Variants in SEMA6D observed in about 807,000 individuals in gnomAD.
SEMA6D encodes the protein semaphorin-6D.
A neutral mutation model predicts 106.6 loss-of-function variants in SEMA6D; 35 were observed. The ratio of observed to expected loss-of-function variants is 0.33; its 90% CI spans 0.25 to 0.44. SEMA6D has a LOEUF of 0.44. SEMA6D is among the 20% of genes least tolerant of loss of function. SEMA6D has a pLI of 1.00. For missense variants in SEMA6D, 1,185 were observed against 1,345.9 expected (o/e 0.88, Z 1.87); for synonymous variants, 499 against 487.7 (o/e 1.02, Z -0.31).
chr15:47,466,396 G>A (rs2042661132), intron 2 of SEMA6D, among the ~76,000 whole-genome samples: 1 of 152,090 alleles, frequency 6.6e-6, no homozygotes, highest in Non-Finnish European at 1.5e-5. Flanking sequence ...CTATAGGTGA[G>A]ATCATGCAGT....
At chr15:47,510,245 A>C in intron 3 of SEMA6D, among the ~76,000 whole-genome samples, 1 of 152,002 alleles carries the variant, frequency 6.6e-6, no homozygotes, top group East Asian at 1.9e-4. Context: ...CCTATTGTGA[A>C]CTCTGCATGC....
chr15:47,267,771 T>G (rs1214355855), intron 1 of SEMA6D, among the ~76,000 whole-genome samples: 1 of 152,200 alleles, frequency 6.6e-6, no homozygotes, highest in African/African-American at 2.4e-5. Context: ...ATTCAAATTC[T>G]TATTAAGTTC....
At chr15:47,579,268 A>G (rs568280658) in intron 3 of SEMA6D, among the ~76,000 whole-genome samples, 11 of 152,000 alleles carry the variant, frequency 7.2e-5, no homozygotes, top group Middle Eastern at 3.4e-3. Flanking sequence ...CAGCCTCCCA[A>G]GGAGCTGGGA....
At chr15:47,437,912 C>T (rs577796321) in intron 2 of SEMA6D, among the ~76,000 whole-genome samples, 7 of 152,128 alleles carry the variant, frequency 4.6e-5, no homozygotes, top group South Asian at 4.2e-4. Flanking sequence ...TACCTTGCTG[C>T]GACTTAAGTT....
chr15:47,547,566 G>C (rs1475850261), intron 3 of SEMA6D, among the ~76,000 whole-genome samples: 1 of 151,838 alleles, frequency 6.6e-6, no homozygotes, highest in Non-Finnish European at 1.5e-5. Context: ...TTCAGCATTT[G>C]GTAAGTCCCA....
intron 3 of SEMA6D, among the ~76,000 whole-genome samples, chr15:47,565,306 C>T (rs918604330): frequency 6.6e-6 from 1 of 152,192 alleles, no homozygotes; most frequent in East Asian, 1.9e-4. Context: ...CTCACCTGCA[C>T]ACTCCCTCCC....
In SEMA6D at chr15:47,767,189, G is replaced by C. The variant is rs889489026; in HGVS notation, c.1765+96G>C. On this transcript the variant is annotated intron_variant, in intron 17 of 18. Coordinates refer to ENST00000536845, the MANE Select transcript of SEMA6D (RefSeq NM_001358351.3). ...TCCCCTCCTTTTGCGCAGTTTGGCA[G>C]CCCTTCATTTTTCCGCTTTGACTCA... 11 of 775,398 alleles carry C rather than the reference G, an allele frequency of 1.4e-5. No homozygotes were observed. The African/African-American group carries it at 2.0e-4, about 14-fold the overall frequency. The allele number at this position is 775,398 out of a possible 1,614,324, so 48.0% of individuals were successfully genotyped here.
chr15:47,504,815 C>A (rs1596178534), intron 3 of SEMA6D, among the ~76,000 whole-genome samples: 1 of 152,142 alleles, frequency 6.6e-6, no homozygotes, highest in East Asian at 1.9e-4. Flanking sequence ...CACTCAGATT[C>A]TTCGTCTGGT....
chr15:47,638,033 G>C (rs73392813), intron 4 of SEMA6D, among the ~76,000 whole-genome samples: 1 of 151,934 alleles, frequency 6.6e-6, no homozygotes, highest in Non-Finnish European at 1.5e-5. Context: ...AAACATGAAG[G>C]GAAAAAACTT....
At chr15:47,385,052 T>TC (rs1288787688) in intron 1 of SEMA6D, among the ~76,000 whole-genome samples, 1 of 144,002 alleles carries the variant, frequency 6.9e-6, no homozygotes, top group African/African-American at 2.6e-5. Flanking sequence ...GTAATTTTTT[T>TC]TTTTTTTTTT....
chr15:47,227,528 CCT>C (rs1225108254), intron 1 of SEMA6D, among the ~76,000 whole-genome samples: 3 of 130,358 alleles, frequency 2.3e-5, no homozygotes, highest in East Asian at 2.2e-4. Context: ...TTTCTTTCTT[CCT>C]CTTTCTCCTC....
chr15:47,219,264 C>T (rs974834078), intron 1 of SEMA6D, among the ~76,000 whole-genome samples: 15 of 152,158 alleles, frequency 9.9e-5, no homozygotes, highest in Non-Finnish European at 1.6e-4. Flanking sequence ...AACATGCTCA[C>T]CACTCTTCTC....
At position 47,763,034 on chromosome 15, in the gene SEMA6D, C is replaced by T; in HGVS notation, c.677C>T (p.Ala226Val). The T allele has an allele frequency of 8.1e-6, 13 of 1,610,754 alleles. No homozygotes were observed. Among genetic ancestry groups the T allele is most frequent in the Non-Finnish European group, 1.1e-5 (13 of 1,178,466 alleles). The change falls in exon 9 of 19, where the codon GCC (alanine) becomes GTC (valine). Residue 226 changes from alanine to valine, a missense_variant. Physicochemically the swap from Ala to Val is moderately conservative, Grantham distance 64. Around this residue, in one of 3 missense-constraint regions of SEMA6D, gnomAD observed 291 missense variants for 423.8 expected, o/e 0.69. Transcript: ENST00000536845. ...KWIKEPHFLH[A>V]IEYGNYVYFF... ...CTTTCAGAGCCACACTTTCTTCATGCCATAGAATATGGAAACTATGTCTAT... is the reference window on the plus strand; with the variant it reads ...CTTTCAGAGCCACACTTTCTTCATGTCATAGAATATGGAAACTATGTCTAT...
chr15:47,364,626 T>C (rs2038942980), intron 1 of SEMA6D, among the ~76,000 whole-genome samples: 1 of 152,114 alleles, frequency 6.6e-6, no homozygotes, highest in South Asian at 2.1e-4. Context: ...AATACATCGC[T>C]TAACACTGTG....
At chr15:47,367,674 TCA>T (rs200328753) in intron 1 of SEMA6D, among the ~76,000 whole-genome samples, 8,855 of 139,350 alleles carry the variant, frequency 0.064, 373 homozygotes, top group Non-Finnish European at 0.082. Flanking sequence ...ACACGCACGC[TCA>T]CACGCGCGCG....
intron 1 of SEMA6D, among the ~76,000 whole-genome samples, chr15:47,273,844 A>G (rs1452127625): frequency 1.2e-4 from 18 of 152,194 alleles, no homozygotes; most frequent in Admixed American, 1.1e-3. Flanking sequence ...AACTTTATTT[A>G]AAATGTAATA....
chr15:47,214,433 C>T (rs921255366), intron 1 of SEMA6D, among the ~76,000 whole-genome samples: 1 of 152,110 alleles, frequency 6.6e-6, no homozygotes, highest in African/African-American at 2.4e-5. Flanking sequence ...ACAAAGACAT[C>T]TCTGAAGGTC....
chr15:47,316,834 T>A (rs931470993), intron 1 of SEMA6D, among the ~76,000 whole-genome samples: 1 of 152,154 alleles, frequency 6.6e-6, no homozygotes, highest in Non-Finnish European at 1.5e-5. Flanking sequence ...TTTGTTGAAG[T>A]TTTTGCATTC....
chr15:47,765,334 A>C (rs2082280561), intron 13 of SEMA6D: 2 of 1,205,754 alleles, frequency 1.7e-6, no homozygotes, highest in Admixed American at 4.1e-5. Context: ...TATCTTGCAG[A>C]TATATTCCAA....
Sources: allele counts gnomAD v4.1 joint callset (sites outside exome capture counted in the v4.1 genomes callset), GRCh38; gene constraint gnomAD v4.1.1; regional missense constraint gnomAD v4.1.1; transcripts MANE v1.5; gene names NCBI Gene and HGNC (gene_info 2026-07-23, HGNC 2026-07-21).